Variants in CREM observed in about 807,000 individuals in gnomAD.
The protein encoded by CREM is cAMP-responsive element modulator.
CREM carries 13 observed loss-of-function variants against 37.3 expected under a neutral mutation model. The ratio of observed to expected loss-of-function variants is 0.35; its 90% CI spans 0.23 to 0.55. The LOEUF (loss-of-function observed/expected upper bound fraction) is 0.55. Ranked by LOEUF, CREM falls within the 20% of genes least tolerant of loss-of-function variation. CREM has a pLI of 0.88. For missense variants in CREM, 296 were observed against 362.3 expected (o/e 0.82, Z 1.49); for synonymous variants, 124 against 120.2 (o/e 1.03, Z -0.21).
chr10:35,149,939 C>CACACACACACA (rs1554890903), intron 3 of CREM, among the ~76,000 whole-genome samples: 97 of 145,110 alleles, frequency 6.7e-4, no homozygotes, highest in Middle Eastern at 3.5e-3. Flanking sequence ...CACACACACA[C>CACACACACACA]CCTTGTTAAA....
At chr10:35,186,993 ATATAT>A (rs1273723901) in intron 5 of CREM, among the ~76,000 whole-genome samples, 1 of 86,128 alleles carries the variant, frequency 1.2e-5, no homozygotes, top group East Asian at 3.0e-4. Flanking sequence ...GATATATATT[ATATAT>A]TATATATAAT....
At chr10:35,182,601 C>T (rs1258872270) in intron 5 of CREM, among the ~76,000 whole-genome samples, 2 of 152,092 alleles carry the variant, frequency 1.3e-5, no homozygotes, top group Admixed American at 6.6e-5. Context: ...TTCAAGTTTT[C>T]CCATATACAA....
intron 3 of CREM, among the ~76,000 whole-genome samples, chr10:35,150,695 C>T (rs1589483928): frequency 6.6e-6 from 1 of 151,492 alleles, no homozygotes; most frequent in Non-Finnish European, 1.5e-5. Context: ...GTGGCACACG[C>T]CTGTAGTCGC....
At chr10:35,136,883 C>G (rs2090618634) in intron 1 of CREM, among the ~76,000 whole-genome samples, 1 of 147,112 alleles carries the variant, frequency 6.8e-6, no homozygotes, top group African/African-American at 2.5e-5. Flanking sequence ...TACAGAGGTG[C>G]AAACATGGCC....
chr10:35,131,990 C>A (rs1384022135), intron 1 of CREM, among the ~76,000 whole-genome samples: 1 of 151,934 alleles, frequency 6.6e-6, no homozygotes, highest in Non-Finnish European at 1.5e-5. Context: ...CCGAGGCGGG[C>A]AAATCAGGAG....
At chr10:35,158,397 G>A (rs755818898) in intron 3 of CREM, 2 of 277,070 alleles carry the variant, frequency 7.2e-6, no homozygotes, top group African/African-American at 2.3e-5. Flanking sequence ...CAGATGAACC[G>A]GGGGCTGAAG....
chr10:35,201,387 CTT>C (rs2095378925), intron 6 of CREM: 1 of 1,540,430 alleles, frequency 6.5e-7, no homozygotes, highest in African/African-American at 1.4e-5. Flanking sequence ...GTGCTAGACA[CTT>C]TGACATACAT....
chr10:35,142,100 G>A (rs1381130992), intron 2 of CREM, among the ~76,000 whole-genome samples: 9 of 152,126 alleles, frequency 5.9e-5, no homozygotes, highest in Admixed American at 2.6e-4. Context: ...GTGAAGTAAC[G>A]GAGATAGTAG....
chr10:35,142,470 A>G (rs1302024700), intron 2 of CREM, among the ~76,000 whole-genome samples: 1 of 152,196 alleles, frequency 6.6e-6, no homozygotes, highest in Non-Finnish European at 1.5e-5. Context: ...CATTGAATGC[A>G]GTCAGTATAG....
At chr10:35,173,398 G>T (rs1365458261) in intron 3 of CREM, among the ~76,000 whole-genome samples, 1 of 152,182 alleles carries the variant, frequency 6.6e-6, no homozygotes, top group African/African-American at 2.4e-5. Flanking sequence ...AACAGATTCA[G>T]TGTAGAAGTA....
chr10:35,185,668 A>G (rs908082645), intron 5 of CREM, among the ~76,000 whole-genome samples: 4 of 152,188 alleles, frequency 2.6e-5, no homozygotes, highest in African/African-American at 7.2e-5. Flanking sequence ...AATCTTTGGA[A>G]AGCCATGGTT....
At position 35,138,059 on chromosome 10, in the gene CREM, G is replaced by A. The variant is rs187495865; in HGVS notation, c.44+180G>A. On this transcript the variant is annotated intron_variant, in intron 2 of 7. Coordinates refer to ENST00000685392, the MANE Select transcript of CREM (RefSeq NM_183011.2). ...CACCATCTACTGTGTACCATGCTGG[G>A]CACTGTAGGAGATGTGTCGGTATGT... is the stretch of plus-strand genomic sequence containing the variant. Among the ~76,000 whole-genome samples, 424 of 152,260 alleles carry A rather than the reference G, an allele frequency of 2.8e-3. 1 individual carries two copies. Among genetic ancestry groups the A allele is most frequent in the Admixed American group, 4.8e-3 (74 of 15,292 alleles).
At chr10:35,189,800 C>G (rs772391245) in intron 6 of CREM, among the ~76,000 whole-genome samples, 1 of 152,150 alleles carries the variant, frequency 6.6e-6, no homozygotes, top group South Asian at 2.1e-4. Context: ...ACAGGCAGCA[C>G]TAACGTTAAG....
Position 35,206,921 on chromosome 10 carries a change from C to A in CREM, c.625C>A (p.Gln209Lys). The A allele has an allele frequency of 6.2e-7, 1 of 1,613,724 alleles. No individual in the cohort carries two copies. Among genetic ancestry groups the A allele is most frequent in the South Asian group, 1.1e-5 (1 of 91,046 alleles). ...TGCCACTGGTGACATGCCAACTTAC[C>A]AGATCCGAGCTCCTACTGCTGCTTT... ...QAATGDMPTY[Q>K]IRAPTAALPQ... is the part of the protein sequence containing the mutation. Residue 209 changes from glutamine (Q) to lysine (K), a missense_variant, in exon 7 of 8, where the codon CAG becomes AAG. Gln to Lys is a moderately conservative substitution (Grantham distance 53, BLOSUM62 1). This residue lies in a region of CREM where 257 missense variants were observed against 280.2 expected (regional missense o/e 0.92). Transcript: ENST00000685392.
chr10:35,148,531 G>A lies in CREM; in HGVS notation c.168+40G>A, dbSNP rs377066017. ...GGCACCGTTGAAAGTCAAAATATAT[G>A]GAAATGAGAATTAGGTGCAGATTCT... On this transcript the variant is annotated intron_variant, in intron 3 of 7. Coordinates refer to ENST00000685392, the MANE Select transcript of CREM (RefSeq NM_183011.2). 4 of 1,584,480 alleles carry A rather than the reference G, an allele frequency of 2.5e-6. No individual in the cohort carries two copies. In the African/African-American group the frequency reaches 4.1e-5, roughly 16 times the overall value.
chr10:35,187,267 G>T (rs1336527425), intron 5 of CREM, among the ~76,000 whole-genome samples: 2 of 113,054 alleles, frequency 1.8e-5, no homozygotes, highest in Admixed American at 2.6e-4. Flanking sequence ...TTATATGTAT[G>T]TTGGTTTTTT....
intron 5 of CREM, 34 bp from the exon 6 acceptor site, chr10:35,188,166 A>G (rs770822344): frequency 1.3e-6 from 2 of 1,571,436 alleles, no homozygotes; most frequent in East Asian, 2.3e-5. Flanking sequence ...TAAATCTTGA[A>G]ATTCTCTAAT....
At chr10:35,127,824 A>G (rs1187004120) in intron 1 of CREM, among the ~76,000 whole-genome samples, 1 of 151,364 alleles carries the variant, frequency 6.6e-6, no homozygotes, top group Non-Finnish European at 1.5e-5. Flanking sequence ...AGCCTGTTGA[A>G]TCTGGGGAAT....
At chr10:35,163,547 C>T (rs1293602367) in intron 3 of CREM, among the ~76,000 whole-genome samples, 1 of 152,078 alleles carries the variant, frequency 6.6e-6, no homozygotes, top group Non-Finnish European at 1.5e-5. Flanking sequence ...AGGCCAGGTG[C>T]AGTGGCTCAC....
Sources: gnomAD v4.1 joint callset for allele counts (sites outside exome capture counted in the v4.1 genomes callset) on GRCh38, gnomAD v4.1.1 for gene constraint, gnomAD v4.1.1 regional missense constraint, MANE v1.5 for transcripts, NCBI Gene and HGNC (gene_info 2026-07-23, HGNC 2026-07-21) for gene names.